Variants in IL18R1 observed in about 807,000 individuals in gnomAD.
IL18R1 encodes the protein interleukin-18 receptor 1.
A neutral mutation model predicts 48.5 loss-of-function variants in IL18R1; 40 were observed. The ratio of observed to expected loss-of-function variants is 0.82; its 90% CI spans 0.64 to 1.07. The LOEUF (loss-of-function observed/expected upper bound fraction) is 1.07. Ranked by LOEUF, IL18R1 falls within the 50% of genes least tolerant of loss-of-function variation. The pLI, the probability that IL18R1 is intolerant of heterozygous loss-of-function variation, is 0.00. For synonymous variants in IL18R1, 232 were observed against 225.9 expected, an observed-to-expected ratio of 1.03 and a Z score of -0.24; for missense variants, 596 against 633.7, an observed-to-expected ratio of 0.94 and a Z score of 0.64.
chr2:102,372,040 G>A lies in IL18R1; in HGVS notation c.390G>A (p.Val130=), dbSNP rs766379820. 5 of 1,604,392 alleles carry A rather than the reference G, an allele frequency of 3.1e-6. No homozygotes were observed. The South Asian group carries it at 5.6e-5, about 18-fold the overall frequency. ...AAAGACAAGTAACTAGTAAAATTGT[G>A]GAAGTTAAAAAATTTTTTCAGATAA... ...FTERQVTSKI[V]EVKKFFQITC... Residue 130 remains valine (V), a synonymous_variant, in exon 4 of 11, where the codon GTG becomes GTA. Coordinates refer to ENST00000233957, the MANE Select transcript of IL18R1 (RefSeq NM_003855.5).
intron 3 of IL18R1, among the ~76,000 whole-genome samples, chr2:102,368,427 G>GT: frequency 6.6e-6 from 1 of 152,332 alleles, no homozygotes; most frequent in African/African-American, 2.4e-5. Flanking sequence ...ATATTAATGT[G>GT]TTGCGAATGG....
intron 1 of IL18R1, among the ~76,000 whole-genome samples, chr2:102,360,991 G>A (rs912918844): frequency 2.4e-4 from 36 of 152,136 alleles, no homozygotes; most frequent in Non-Finnish European, 4.9e-4. Context: ...GCAGAATGGT[G>A]TGCAAATACC....
chr2:102,391,023 T>A (rs1213736569), intron 9 of IL18R1, among the ~76,000 whole-genome samples: 2 of 152,082 alleles, frequency 1.3e-5, no homozygotes, highest in Non-Finnish European at 2.9e-5. Context: ...CCAGTTTTTA[T>A]CTGCTACTAT....
intron 2 of IL18R1, among the ~76,000 whole-genome samples, chr2:102,365,183 G>A (rs1678816190): frequency 6.6e-6 from 1 of 152,068 alleles, no homozygotes; most frequent in Non-Finnish European, 1.5e-5. Flanking sequence ...CTGAGACAAG[G>A]AAGGTCCCTT....
intron 5 of IL18R1, among the ~76,000 whole-genome samples, chr2:102,379,812 A>ATGATCTGC (rs1233261359): frequency 1.3e-5 from 2 of 152,154 alleles, no homozygotes; most frequent in Non-Finnish European, 2.9e-5. Flanking sequence ...TCTAGTTTTT[A>ATGATCTGC]TGATCTGCCT....
In IL18R1 at chr2:102,394,615, G is replaced by C. The variant is rs868843413; in HGVS notation, c.1258G>C (p.Val420Leu). 6.2e-7 allele frequency: 1 copy of C among 1,605,544 alleles called. No homozygotes were observed. The highest frequency in any genetic ancestry group is 2.2e-5 in the East Asian group (1 of 44,788). Reference protein sequence around the residue: ...YKLCIFERDVVPGGAVVDEIH... With the variant: ...YKLCIFERDVLPGGAVVDEIH... ...GTTATGCATATTTGAAAGGGATGTAGTGCCTGGAGGAGGTAAGAGGGAATG... is the reference window on the plus strand; with the variant it reads ...GTTATGCATATTTGAAAGGGATGTACTGCCTGGAGGAGGTAAGAGGGAATG... The change falls in exon 10 of 11, where the codon GTG (valine) becomes CTG (leucine). Residue 420 changes from valine to leucine, a missense_variant. Transcript: ENST00000233957.
intron 3 of IL18R1, among the ~76,000 whole-genome samples, chr2:102,371,143 G>A (rs371315053): frequency 2.3e-4 from 35 of 151,352 alleles, no homozygotes; most frequent in East Asian, 1.2e-3. Context: ...TGCAACCTCC[G>A]CCTCCTGCCT....
intron 8 of IL18R1, 121 bp from the exon 9 acceptor site, chr2:102,389,935 G>A (rs1680463713): frequency 2.6e-6 from 2 of 781,854 alleles, no homozygotes; most frequent in Non-Finnish European, 4.2e-6. Context: ...GAATGTGTCA[G>A]CACGTGGGTT....
At chr2:102,365,196 T>C (rs1241247987) in intron 2 of IL18R1, among the ~76,000 whole-genome samples, 1 of 152,202 alleles carries the variant, frequency 6.6e-6, no homozygotes, top group Non-Finnish European at 1.5e-5. Flanking sequence ...GGTCCCTTCC[T>C]ATGAGTCAGT....
intron 8 of IL18R1, 136 bp from the exon 9 acceptor site, chr2:102,389,920 C>T: frequency 1.5e-6 from 1 of 669,198 alleles, no homozygotes; most frequent in Non-Finnish European, 2.6e-6. Context: ...TGGAGTCACT[C>T]AGTGGAATGT....
chr2:102,362,881 C>G, intron 2 of IL18R1, 163 bp downstream of exon 2: 1 of 415,936 alleles, frequency 2.4e-6, no homozygotes, highest in Non-Finnish European at 4.3e-6. Context: ...GAAAAACTTG[C>G]ATCTTGAAAT....
Position 102,386,913 on chromosome 2 carries a change from G to C in IL18R1, c.862G>C (p.Gly288Arg), listed in dbSNP as rs1241046664. Residue 288 changes from glycine to arginine, a missense_variant, in exon 8 of 11, where the codon GGT becomes CGT. Physicochemically the swap from Gly to Arg is moderately radical, Grantham distance 125. Transcript: ENST00000233957. ...AAAAGTATTGAGAATTGAAAATATT[G>C]GTGAAAGCAATCTAAATGTTTTATA... is the stretch of plus-strand genomic sequence containing the variant. ...ASKVLRIENI[G>R]ESNLNVLYNC... The C allele has an allele frequency of 2.5e-6, 4 of 1,614,038 alleles. No homozygotes were observed. The highest frequency in any genetic ancestry group is 1.7e-6 in the Non-Finnish European group (2 of 1,179,902).
intron 1 of IL18R1, among the ~76,000 whole-genome samples, chr2:102,357,231 G>T (rs901175983): frequency 1.3e-5 from 2 of 152,094 alleles, no homozygotes; most frequent in African/African-American, 4.8e-5. Context: ...GAAAAGGCAG[G>T]GTCTAAATCC....
At chr2:102,373,557 C>T (rs1200725793) in intron 4 of IL18R1, among the ~76,000 whole-genome samples, 1 of 151,950 alleles carries the variant, frequency 6.6e-6, no homozygotes, top group Non-Finnish European at 1.5e-5. Context: ...CACGTGTATA[C>T]CTATGTAACA....
chr2:102,386,805 C>T lies in IL18R1; in HGVS notation c.810-56C>T, dbSNP rs2241116. On this transcript the variant is annotated intron_variant, in intron 7 of 10. Transcript: ENST00000233957. ...TTCAAGCATTTTAAACATGTGAATT[C>T]CCCTCTCAAGGGTAACGAACAGAGC... 103 of 1,565,982 alleles carry T rather than the reference C, an allele frequency of 6.6e-5. 1 individual carries two copies. The highest frequency in any genetic ancestry group is 8.8e-5 in the Non-Finnish European group (100 of 1,142,484).
Position 102,396,939 on chromosome 2 carries a change from C to A in IL18R1, c.*53C>A. ...AACTCAAGATATTCTGGGGACTGAGCATATGAACCTGTTCATAACAAAGGC... is the reference window on the plus strand; with the variant it reads ...AACTCAAGATATTCTGGGGACTGAGAATATGAACCTGTTCATAACAAAGGC... On this transcript the variant is annotated 3_prime_UTR_variant, in exon 11 of 11. Transcript: ENST00000233957. 9.4e-7 allele frequency: 1 copy of A among 1,058,864 alleles called. No individual in the cohort carries two copies. Among genetic ancestry groups the A allele is most frequent in the Non-Finnish European group, 1.4e-6 (1 of 718,782 alleles). 65.6% of individuals were successfully genotyped at this position (1,058,864 alleles called of 1,614,324 possible).
intron 9 of IL18R1, among the ~76,000 whole-genome samples, chr2:102,393,427 AT>A (rs763405894): frequency 9.9e-5 from 15 of 152,236 alleles, no homozygotes; most frequent in Non-Finnish European, 1.8e-4. Flanking sequence ...TCTAACCCAA[AT>A]TGCTGAACAG....
At chr2:102,362,006 A>T (rs1678605103) in intron 1 of IL18R1, among the ~76,000 whole-genome samples, 1 of 152,216 alleles carries the variant, frequency 6.6e-6, no homozygotes, top group Non-Finnish European at 1.5e-5. Context: ...ACACGCGAAC[A>T]CATGCATACA....
At chr2:102,366,476 C>G (rs1678906573) in intron 2 of IL18R1, among the ~76,000 whole-genome samples, 1 of 152,194 alleles carries the variant, frequency 6.6e-6, no homozygotes, top group Non-Finnish European at 1.5e-5. Context: ...TTATCTTCTT[C>G]AAACTGTTCC....
Sources: allele counts gnomAD v4.1 joint callset (sites outside exome capture counted in the v4.1 genomes callset), GRCh38; gene constraint gnomAD v4.1.1; transcripts MANE v1.5; gene names NCBI Gene and HGNC (gene_info 2026-07-23, HGNC 2026-07-21).